The following PKMYT1 variants were observed in gnomAD, a reference collection of about 807,000 sequenced individuals.
The protein encoded by PKMYT1 is protein kinase, membrane associated tyrosine/threonine 1.
A neutral mutation model predicts 49.7 loss-of-function variants in PKMYT1; 35 were observed. The observed-to-expected ratio is 0.70, with a 90% CI of 0.54 to 0.93. The LOEUF (loss-of-function observed/expected upper bound fraction) is 0.93, where lower values mean the gene tolerates loss of function less well. Ranked by LOEUF, PKMYT1 falls within the 40% of genes least tolerant of loss-of-function variation. PKMYT1 has a pLI of 0.00. For synonymous variants in PKMYT1, 331 were observed against 287.6 expected (o/e 1.15, Z -1.53); for missense variants, 677 against 673.1 (o/e 1.01, Z -0.06).
rs1216874669 is a variant in PKMYT1, at chr16:2,974,673, G to A, written c.873-17C>T. The A allele has an allele frequency of 1.0e-5, 16 of 1,526,062 alleles. No individual in the cohort carries two copies. Among genetic ancestry groups the A allele is most frequent in the Non-Finnish European group, 1.3e-5 (15 of 1,123,956 alleles). 94.5% of individuals were successfully genotyped at this position (1,526,062 alleles called of 1,614,324 possible). ...AGGCCCAGACTGGCAGGGACGGGAT[G>A]GGGACAGAAAGGGGCAGGGTTGGCC... is the stretch of plus-strand genomic sequence containing the variant. On this transcript the variant is annotated splice_polypyrimidine_tract_variant and intron_variant, in intron 4 of 8. Coordinates refer to ENST00000262300, the MANE Select transcript of PKMYT1 (RefSeq NM_004203.5).
chr16:2,973,115 C>T, intron 8 of PKMYT1, 23 bp downstream of exon 8: 2 of 1,562,410 alleles, frequency 1.3e-6, no homozygotes, highest in Non-Finnish European at 1.7e-6. Flanking sequence ...GCCCTGCCCA[C>T]CCCAGCCCCT....
intron 2 of PKMYT1, chr16:2,977,292 T>C (rs2072224326): frequency 7.6e-7 from 1 of 1,322,768 alleles, no homozygotes; most frequent in African/African-American, 1.5e-5. Flanking sequence ...TTGAGGGTCT[T>C]GCAGTCGGGT....
rs1483893127 is a variant in PKMYT1, at chr16:2,975,752, C to G, written c.439G>C (p.Gly147Arg). ...AVKRSMSPFRGPKDRARKLAE... is the reference protein window; with the variant it reads ...AVKRSMSPFRRPKDRARKLAE... ...AACTTGCGGGCCCGGTCCTTGGGGC[C>G]CCGGAATGGTGACATGGAACGCTTT... is the stretch of plus-strand genomic sequence containing the variant. The change falls in exon 4 of 9, where the codon GGC becomes CGC. Residue 147 changes from glycine to arginine, a missense_variant. Coordinates refer to ENST00000262300, the MANE Select transcript of PKMYT1 (RefSeq NM_004203.5). 2 of 1,601,036 alleles carry G rather than the reference C, an allele frequency of 1.2e-6. No individual in the cohort carries two copies. Among genetic ancestry groups the G allele is most frequent in the Non-Finnish European group, 1.7e-6 (2 of 1,179,880 alleles).
intron 1 of PKMYT1, 155 bp downstream of exon 1, chr16:2,980,131 A>C (rs1418715161): frequency 6.0e-6 from 1 of 167,440 alleles, no homozygotes; most frequent in Non-Finnish European, 1.3e-5. Context: ...GGAATTGGGG[A>C]GGACGGGAGG....
intron 2 of PKMYT1, among the ~76,000 whole-genome samples, chr16:2,978,764 T>G (rs1337681011): frequency 1.4e-5 from 2 of 146,494 alleles, no homozygotes; most frequent in South Asian, 2.2e-4. Context: ...AAAAAAAAAT[T>G]TAATTGGATT....
chr16:2,975,866 A>T, intron 3 of PKMYT1, 54 bp from the exon 4 acceptor site: 2 of 1,542,200 alleles, frequency 1.3e-6, no homozygotes, highest in East Asian at 4.5e-5. Context: ...CAAGTGGCAC[A>T]ATCACATAGG....
Position 2,973,195 on chromosome 16 carries a change from G to A in PKMYT1, c.1331C>T (p.Ala444Val), listed in dbSNP as rs367908024. The change falls in exon 8 of 9, where the codon GCT becomes GTT. Residue 444 changes from alanine to valine, a missense_variant. Ala to Val is a moderately conservative substitution (Grantham distance 64). Transcript: ENST00000262300. The part of the protein sequence containing the change: ...DSLGPSLSPE[A>V]VLARTVGSTS... Reference sequence around the variant, plus strand: ...GCTCCCCACAGTCCGGGCCAGGACAGCCTCAGGGGAGAGTGAAGGCCTGCA... The same window carrying A: ...GCTCCCCACAGTCCGGGCCAGGACAACCTCAGGGGAGAGTGAAGGCCTGCA... 1 of 1,514,662 alleles carries A rather than the reference G, an allele frequency of 6.6e-7. No homozygotes were observed. Among genetic ancestry groups the A allele is most frequent in the African/African-American group, 1.4e-5 (1 of 73,016 alleles). 93.8% of individuals were successfully genotyped at this position (1,514,662 alleles called of 1,614,324 possible).
chr16:2,973,116 C>T, intron 8 of PKMYT1, 22 bp downstream of exon 8: 1 of 1,562,106 alleles, frequency 6.4e-7, no homozygotes, highest in Non-Finnish European at 8.7e-7. Flanking sequence ...CCCTGCCCAC[C>T]CCAGCCCCTG....
chr16:2,976,751 A>G lies in PKMYT1; in HGVS notation c.291T>C (p.Tyr97=). The G allele has an allele frequency of 2.0e-6, 3 of 1,533,350 alleles. No individual in the cohort carries two copies. The highest frequency in any genetic ancestry group is 2.6e-6 in the Non-Finnish European group (3 of 1,137,252). The allele number at this position is 1,533,350 out of a possible 1,614,324, so 95.0% of individuals were successfully genotyped here. A position where few individuals can be genotyped will look rare whatever the true frequency, so the allele number is the denominator to read the frequency against. The change falls in exon 3 of 9, where the codon TAT becomes TAC. Residue 97 remains tyrosine, a synonymous_variant. Transcript: ENST00000262300. ...EASETLQSPG[Y]DPSRPESFFQ... ...AGAAGGACTCTGGCCGGCTTGGGTC[A>G]TACCCAGGGCTCTGCAGAGTCTCTG...
rs535197594 is a variant in PKMYT1, at chr16:2,972,899, C to T, written c.*54G>A. The T allele has an allele frequency of 6.1e-5, 95 of 1,552,290 alleles. No homozygotes were observed. Among genetic ancestry groups the T allele is most frequent in the Admixed American group, 2.2e-4 (11 of 50,982 alleles). On this transcript the variant is annotated 3_prime_UTR_variant, in exon 9 of 9. Transcript: ENST00000262300. ...CCCGAGGGGCCCCAGCTTTCAAGGG[C>T]GACGGGAGAGACACAGGATAAAAGG...
rs2072213931 is a variant in PKMYT1, at chr16:2,976,969, G to A, written c.73C>T (p.Pro25Ser). The A allele has an allele frequency of 1.3e-6, 2 of 1,559,402 alleles. No homozygotes were observed. Among genetic ancestry groups the A allele is most frequent in the Non-Finnish European group, 1.7e-6 (2 of 1,151,374 alleles). Reference sequence around the variant, plus strand: ...CGGAAGTAGGCTGGGACTGGGATGGGGGTGCCACTCAGAGGTGGCGGGGTG... The same window carrying A: ...CGGAAGTAGGCTGGGACTGGGATGGAGGTGCCACTCAGAGGTGGCGGGGTG... ...EGTPPPLSGT[P>S]IPVPAYFRHA... The change falls in exon 3 of 9, where the codon CCC (proline) becomes TCC (serine). Residue 25 changes from proline to serine, a missense_variant. Physicochemically the swap from Pro to Ser is moderately conservative, Grantham distance 74. Transcript: ENST00000262300.
intron 1 of PKMYT1, 171 bp from the exon 2 acceptor site, chr16:2,980,083 G>C (rs4149768): frequency 1.1e-3 from 234 of 220,562 alleles, no homozygotes; most frequent in South Asian, 5.2e-3. Context: ...GAGTAGGGCG[G>C]GACCGCCGCT....
intron 2 of PKMYT1, chr16:2,977,538 C>T (rs752010315): frequency 6.2e-6 from 6 of 964,060 alleles, no homozygotes; most frequent in South Asian, 4.8e-5. Flanking sequence ...TGTGCAGCTC[C>T]GTGGACCCCT....
Position 2,979,795 on chromosome 16 carries a change from C to A in PKMYT1, c.-138G>T. ...CTTCCGGGGCCCTGGGCGATCGGGC[C>A]GTCTCGCCTCACCCTCTCACCAGGC... is the stretch of plus-strand genomic sequence containing the variant. On this transcript the variant is annotated 5_prime_UTR_variant, in exon 2 of 9. Coordinates refer to ENST00000262300, the MANE Select transcript of PKMYT1 (RefSeq NM_004203.5). 1 of 956,756 alleles carries A rather than the reference C, an allele frequency of 1.0e-6. No individual in the cohort carries two copies. The highest frequency in any genetic ancestry group is 1.4e-5 in the South Asian group (1 of 70,808). 59.3% of individuals were successfully genotyped at this position (956,756 alleles called of 1,614,324 possible).
chr16:2,977,731 C>T (rs571569013), intron 2 of PKMYT1, among the ~76,000 whole-genome samples: 9 of 152,216 alleles, frequency 5.9e-5, no homozygotes, highest in Non-Finnish European at 1.3e-4. Flanking sequence ...ACCTCCAGCA[C>T]CCCTCTCCCC....
intron 3 of PKMYT1, 76 bp from the exon 4 acceptor site, chr16:2,975,888 G>T: frequency 6.7e-7 from 1 of 1,493,238 alleles, no homozygotes; most frequent in Non-Finnish European, 9.0e-7. Context: ...GGACAACCTG[G>T]CAGACCCCAT....
Position 2,980,175 on chromosome 16 carries a change from G to A in PKMYT1, c.-256+111C>T, listed in dbSNP as rs1019882408. 103 of 166,420 alleles carry A rather than the reference G, an allele frequency of 6.2e-4. 1 individual carries two copies. Among genetic ancestry groups the A allele is most frequent in the Middle Eastern group, 2.7e-3 (1 of 364 alleles). The allele number at this position is 166,420 out of a possible 1,614,324, so 10.3% of individuals were successfully genotyped here. ...CGCGGGGGCGGGCCTGAGGGGACGC[G>A]AGCGGGCCGCCGGGGAGGCCTGAGG... On this transcript the variant is annotated intron_variant, in intron 1 of 8. Coordinates refer to ENST00000262300, the MANE Select transcript of PKMYT1 (RefSeq NM_004203.5).
In PKMYT1 at chr16:2,977,011, G is replaced by C. The variant is rs779324078; in HGVS notation, c.31C>G (p.Pro11Ala). The change falls in exon 3 of 9, where the codon CCC becomes GCC. Residue 11 changes from proline (P) to alanine (A), a missense_variant. Coordinates refer to ENST00000262300, the MANE Select transcript of PKMYT1 (RefSeq NM_004203.5). ...GGCGGGGTGCCCTCCGTGGGCATGG[G>C]CATGGCCAGTGCAGGAGGCCCTGGG... MLERPPALAMPMPTEGTPPPL... is the reference protein window; with the variant it reads MLERPPALAMAMPTEGTPPPL... 6.3e-7 allele frequency: 1 copy of C among 1,584,026 alleles called. No homozygotes were observed. The highest frequency in any genetic ancestry group is 1.1e-5 in the South Asian group (1 of 87,744).
At chr16:2,974,529 C>T in intron 5 of PKMYT1, 21 bp downstream of exon 5, 2 of 1,543,674 alleles carry the variant, frequency 1.3e-6, no homozygotes, top group Non-Finnish European at 1.8e-6. Flanking sequence ...GCAGCACCCC[C>T]TCCCGCCCTC....
Sources: allele counts gnomAD v4.1 joint callset (sites outside exome capture counted in the v4.1 genomes callset), GRCh38; gene constraint gnomAD v4.1.1; transcripts MANE v1.5; gene names NCBI Gene and HGNC (gene_info 2026-07-23, HGNC 2026-07-21).